The following GDPD5 variants were observed in gnomAD, a reference collection of about 807,000 sequenced individuals.
GDPD5 encodes glycerophosphodiester phosphodiesterase domain containing 5.
Under a neutral mutation model 75.1 loss-of-function variants are expected in GDPD5, and 48 were observed. The observed-to-expected ratio is 0.64, with a 90% CI of 0.51 to 0.81. GDPD5 has a LOEUF of 0.81. Among genes scored for constraint, GDPD5 ranks in the 40% least tolerant of loss-of-function variants. The pLI is 0.00. For missense variants in GDPD5, 706 were observed against 822.6 expected (o/e 0.86, Z 1.73); for synonymous variants, 336 against 339.0 (o/e 0.99, Z 0.10).
intron 1 of GDPD5, chr11:75,516,193 A>C (rs887729194): frequency 6.6e-6 from 1 of 152,424 alleles, no homozygotes; most frequent in Non-Finnish European, 1.5e-5. Context: ...AGATAGTTGA[A>C]GTTTATCCCC....
At chr11:75,498,739 A>T (rs182904345) in intron 1 of GDPD5, among the ~76,000 whole-genome samples, 2 of 152,318 alleles carry the variant, frequency 1.3e-5, no homozygotes, top group East Asian at 3.9e-4. Flanking sequence ...CTCAGAAGGC[A>T]CTGCCCCTTG....
chr11:75,447,292 T>A (rs1477176251), intron 9 of GDPD5, among the ~76,000 whole-genome samples: 1 of 152,186 alleles, frequency 6.6e-6, no homozygotes, highest in Non-Finnish European at 1.5e-5. Flanking sequence ...AAAGATATTT[T>A]CGAGACAATA....
chr11:75,484,003 A>G (rs1342440296), intron 2 of GDPD5, among the ~76,000 whole-genome samples: 2 of 152,168 alleles, frequency 1.3e-5, no homozygotes, highest in Non-Finnish European at 2.9e-5. Context: ...CCTGGCCAAC[A>G]TGGTGAAACC....
At chr11:75,450,165 C>T (rs976238675) in intron 6 of GDPD5, among the ~76,000 whole-genome samples, 182 bp from the exon 7 acceptor site, 4 of 152,106 alleles carry the variant, frequency 2.6e-5, no homozygotes, top group South Asian at 2.1e-4. Flanking sequence ...CAGATAGACA[C>T]GGCAGGGAGA....
At chr11:75,445,662 T>C (rs191704230) in intron 9 of GDPD5, among the ~76,000 whole-genome samples, 2 of 152,304 alleles carry the variant, frequency 1.3e-5, no homozygotes, top group African/African-American at 4.8e-5. Context: ...TCATTCCCAC[T>C]GAAGACAATC....
chr11:75,494,373 AT>A (rs1482708877), intron 1 of GDPD5, among the ~76,000 whole-genome samples: 3 of 152,010 alleles, frequency 2.0e-5, no homozygotes. Context: ...ATGTGCCACC[AT>A]GCCCAACTAT....
chr11:75,447,500 G>A (rs1186962458), intron 9 of GDPD5, among the ~76,000 whole-genome samples: 1 of 152,156 alleles, frequency 6.6e-6, no homozygotes, highest in East Asian at 1.9e-4. Flanking sequence ...AAAAAGTAGG[G>A]AACAGATGAA....
chr11:75,481,605 T>C (rs1335038417), intron 2 of GDPD5, among the ~76,000 whole-genome samples: 1 of 151,878 alleles, frequency 6.6e-6, no homozygotes, highest in East Asian at 1.9e-4. Flanking sequence ...GCTCTCAGCT[T>C]TACTATACTC....
chr11:75,520,492 G>A (rs952345869), intron 1 of GDPD5, among the ~76,000 whole-genome samples: 5 of 152,240 alleles, frequency 3.3e-5, no homozygotes, highest in East Asian at 1.9e-4. Context: ...GGGAGGATTC[G>A]GTGGGGGCAC....
In GDPD5 at chr11:75,491,017, C is replaced by T. The variant is rs146551956; in HGVS notation, c.-144-697G>A. On this transcript the variant is annotated intron_variant, in intron 1 of 16. Coordinates refer to ENST00000336898, the MANE Select transcript of GDPD5 (RefSeq NM_030792.8). ...ACTAGGGACACTGAGGCTGCAAGGA[C>T]GGAGGCCTACCTACATCACATAGAG... is the stretch of plus-strand genomic sequence containing the variant. Among the ~76,000 whole-genome samples, 461 of 152,304 alleles carry T rather than the reference C, an allele frequency of 3.0e-3. 2 individuals are homozygous for T. The highest frequency in any genetic ancestry group is 0.01 in the African/African-American group (435 of 41,548).
chr11:75,439,388 G>T (rs760114242), intron 15 of GDPD5: 32 of 456,230 alleles, frequency 7.0e-5, no homozygotes, highest in Non-Finnish European at 8.8e-6. Flanking sequence ...GAGAGAGGGG[G>T]AGGGGGAGAG....
intron 1 of GDPD5, among the ~76,000 whole-genome samples, chr11:75,500,356 C>T: frequency 6.6e-6 from 1 of 152,184 alleles, no homozygotes; most frequent in Non-Finnish European, 1.5e-5. Flanking sequence ...CCACCCACTG[C>T]AAAACCCATT....
At chr11:75,458,884 G>C (rs1444754564) in intron 4 of GDPD5, among the ~76,000 whole-genome samples, 1 of 152,034 alleles carries the variant, frequency 6.6e-6, no homozygotes, top group Non-Finnish European at 1.5e-5. Context: ...CTGGGCTCAA[G>C]CAATCCTCCT....
At chr11:75,481,915 A>G (rs1248609547) in intron 2 of GDPD5, among the ~76,000 whole-genome samples, 2 of 152,082 alleles carry the variant, frequency 1.3e-5, no homozygotes, top group African/African-American at 4.8e-5. Flanking sequence ...AAAGCAGGTA[A>G]CAGCTGCTGC....
rs1941647754 is a variant in GDPD5 at position 75,525,889 on chromosome 11, C to T, written c.-824G>A. On this transcript the variant is annotated 5_prime_UTR_variant, in exon 1 of 17. Coordinates refer to ENST00000336898, the MANE Select transcript of GDPD5 (RefSeq NM_030792.8). ...GCTCAGCGCCGCGCCGCTGCCACCT[C>T]CGCTGTCATCCCCGCCACCCACCCC... is the stretch of plus-strand genomic sequence containing the variant. 1 of 151,636 alleles carries T rather than the reference C, an allele frequency of 6.6e-6. No homozygotes were observed. Among genetic ancestry groups the T allele is most frequent in the African/African-American group, 2.4e-5 (1 of 41,342 alleles). 9.4% of individuals were successfully genotyped at this position (151,636 alleles called of 1,614,324 possible).
chr11:75,496,352 G>A (rs1318970361), intron 1 of GDPD5, among the ~76,000 whole-genome samples: 1 of 152,260 alleles, frequency 6.6e-6, no homozygotes, highest in Non-Finnish European at 1.5e-5. Context: ...AGCTTCTAGA[G>A]AGCAGGAAGC....
intron 1 of GDPD5, among the ~76,000 whole-genome samples, chr11:75,520,499 G>T (rs1350267185): frequency 6.6e-6 from 1 of 152,122 alleles, no homozygotes; most frequent in Non-Finnish European, 1.5e-5. Flanking sequence ...TTCGGTGGGG[G>T]CACATAGAAT....
chr11:75,484,727 AT>A (rs1949986941), intron 2 of GDPD5, among the ~76,000 whole-genome samples: 1 of 152,178 alleles, frequency 6.6e-6, no homozygotes, highest in African/African-American at 2.4e-5. Flanking sequence ...CTCTAAAAAA[AT>A]AAATAATAAT....
intron 9 of GDPD5, 100 bp from the exon 10 acceptor site, chr11:75,444,595 G>C (rs1045108172): frequency 1.1e-6 from 1 of 906,076 alleles, no homozygotes; most frequent in African/African-American, 1.6e-5. Flanking sequence ...GGCTAGGCCT[G>C]GTTCTAATTC....
Sources: gnomAD v4.1 joint callset for allele counts (sites outside exome capture counted in the v4.1 genomes callset) on GRCh38, gnomAD v4.1.1 for gene constraint, MANE v1.5 for transcripts, NCBI Gene and HGNC (gene_info 2026-07-23, HGNC 2026-07-21) for gene names.